Variants in KCTD8 observed in about 807,000 individuals in gnomAD.
KCTD8 encodes the protein BTB/POZ domain-containing protein KCTD8.
Under a neutral mutation model 31.5 loss-of-function variants are expected in KCTD8, and 27 were observed. The ratio of observed to expected loss-of-function variants is 0.86; its 90% CI spans 0.63 to 1.18. KCTD8 has a LOEUF of 1.18. Ranked by LOEUF, KCTD8 falls within the 50% of genes most tolerant of loss-of-function variation. KCTD8 has a pLI of 0.00. For missense variants in KCTD8, 658 were observed against 647.7 expected (o/e 1.02, Z -0.17); for synonymous variants, 290 against 280.0 (o/e 1.04, Z -0.36).
In KCTD8 at chr4:44,435,009, A is replaced by G. The variant is rs542700683; in HGVS notation, c.961+12554T>C. Among the ~76,000 whole-genome samples, 49 of 152,118 alleles carry G rather than the reference A, an allele frequency of 3.2e-4. 1 individual carries two copies. The highest frequency in any genetic ancestry group is 8.8e-5 in the Non-Finnish European group (6 of 67,920). ...CTTCACTGATTTAATTCATACTCCA[A>G]TGACAGGAGAAAGTTATTCACCTGG... On this transcript the variant is annotated intron_variant, in intron 1 of 1. Transcript: ENST00000360029.
At chr4:44,406,170 A>C (rs577600439) in intron 1 of KCTD8, among the ~76,000 whole-genome samples, 1 of 152,324 alleles carries the variant, frequency 6.6e-6, no homozygotes, top group South Asian at 2.1e-4. Context: ...TTCTGAGTTT[A>C]TGGTGGAAGA....
intron 1 of KCTD8, among the ~76,000 whole-genome samples, chr4:44,397,618 C>T (rs1241635048): frequency 6.6e-6 from 1 of 152,092 alleles, no homozygotes; most frequent in Non-Finnish European, 1.5e-5. Flanking sequence ...CTGCAGTTGG[C>T]AATAGTATTC....
At chr4:44,338,141 G>A (rs1479329203) in intron 1 of KCTD8, among the ~76,000 whole-genome samples, 1 of 151,782 alleles carries the variant, frequency 6.6e-6, no homozygotes, top group African/African-American at 2.4e-5. Flanking sequence ...ACAGCAAAAT[G>A]TTAACAATAG....
chr4:44,222,613 G>T (rs1349408431), intron 1 of KCTD8, among the ~76,000 whole-genome samples: 1 of 152,172 alleles, frequency 6.6e-6, no homozygotes, highest in Non-Finnish European at 1.5e-5. Context: ...CTTTCAGAGA[G>T]TAAAAACAAT....
At chr4:44,408,714 G>C (rs1322418683) in intron 1 of KCTD8, among the ~76,000 whole-genome samples, 1 of 152,056 alleles carries the variant, frequency 6.6e-6, no homozygotes, top group African/African-American at 2.4e-5. Context: ...TGACTCCCAG[G>C]TTCCAGCAAT....
chr4:44,293,617 A>C, intron 1 of KCTD8: 1 of 345,996 alleles, frequency 2.9e-6, no homozygotes, highest in African/African-American at 2.1e-5. Context: ...TCTAGTCTTT[A>C]ATTTTTTTTT....
chr4:44,192,698 T>C (rs1713801416), intron 1 of KCTD8, among the ~76,000 whole-genome samples: 1 of 152,188 alleles, frequency 6.6e-6, no homozygotes, highest in African/African-American at 2.4e-5. Context: ...AAAGTATAGA[T>C]CCTGGGTGTG....
At chr4:44,302,244 A>T (rs1203464498) in intron 1 of KCTD8, among the ~76,000 whole-genome samples, 1 of 152,098 alleles carries the variant, frequency 6.6e-6, no homozygotes, top group African/African-American at 2.4e-5. Context: ...GTTTTTTCCA[A>T]TTCTGTGAAG....
At chr4:44,248,171 G>A (rs1020313705) in intron 1 of KCTD8, among the ~76,000 whole-genome samples, 9 of 151,716 alleles carry the variant, frequency 5.9e-5, no homozygotes, top group Non-Finnish European at 1.2e-4. Flanking sequence ...CCACCTGAAC[G>A]AGTGTAAGCT....
At chr4:44,307,629 G>A (rs1717840249) in intron 1 of KCTD8, among the ~76,000 whole-genome samples, 1 of 151,886 alleles carries the variant, frequency 6.6e-6, no homozygotes, top group Admixed American at 6.6e-5. Flanking sequence ...CATAAAACAC[G>A]ATTGCTTCCA....
intron 1 of KCTD8, among the ~76,000 whole-genome samples, chr4:44,193,958 A>T (rs1324715140): frequency 2.6e-5 from 4 of 152,182 alleles, no homozygotes; most frequent in African/African-American, 9.6e-5. Flanking sequence ...TACAGAGTGA[A>T]ATTAGGAAAA....
chr4:44,194,408 G>T (rs990017268), intron 1 of KCTD8, among the ~76,000 whole-genome samples: 3 of 152,152 alleles, frequency 2.0e-5, no homozygotes, highest in African/African-American at 4.8e-5. Context: ...AGATGTACTG[G>T]TAACACCTTC....
chr4:44,220,599 A>G (rs1714779026), intron 1 of KCTD8, among the ~76,000 whole-genome samples: 1 of 152,178 alleles, frequency 6.6e-6, no homozygotes, highest in Admixed American at 6.5e-5. Flanking sequence ...TCTCCCTCCA[A>G]AAAGAGATGT....
In KCTD8 at chr4:44,405,338, A is replaced by G. The variant is rs182232805; in HGVS notation, c.961+42225T>C. On this transcript the variant is annotated intron_variant, in intron 1 of 1. Coordinates refer to ENST00000360029, the MANE Select transcript of KCTD8 (RefSeq NM_198353.3). ...AGTGGCATGATCTCAGCTCACTGCAATCTTGGCCTCCTGTGTTCAAGGGAT... is the reference window on the plus strand; with the variant it reads ...AGTGGCATGATCTCAGCTCACTGCAGTCTTGGCCTCCTGTGTTCAAGGGAT... Among the ~76,000 whole-genome samples the G allele has an allele frequency of 3.9e-3, 595 of 152,202 alleles. 2 individuals carry two copies. The highest frequency in any genetic ancestry group is 6.1e-3 in the Non-Finnish European group (414 of 68,018).
intron 1 of KCTD8, among the ~76,000 whole-genome samples, chr4:44,338,652 C>A (rs1050201635): frequency 1.3e-5 from 2 of 152,096 alleles, no homozygotes; most frequent in Non-Finnish European, 2.9e-5. Context: ...CTTTTTAATG[C>A]AACACATAAA....
intron 1 of KCTD8, among the ~76,000 whole-genome samples, chr4:44,416,001 C>A (rs1721071825): frequency 6.6e-6 from 1 of 152,182 alleles, no homozygotes; most frequent in Admixed American, 6.5e-5. Flanking sequence ...TCAACTCCAA[C>A]CCATGAGAGC....
chr4:44,229,034 G>A (rs1321530401), intron 1 of KCTD8, among the ~76,000 whole-genome samples: 2 of 152,084 alleles, frequency 1.3e-5, no homozygotes, highest in Non-Finnish European at 1.5e-5. Context: ...TTGACTGAGG[G>A]CAAGTTGAAT....
chr4:44,333,818 T>A (rs1257854704), intron 1 of KCTD8, among the ~76,000 whole-genome samples: 1 of 151,810 alleles, frequency 6.6e-6, no homozygotes, highest in Non-Finnish European at 1.5e-5. Flanking sequence ...ATAAGGCAAA[T>A]CCAAAAGTAA....
chr4:44,185,519 A>C (rs1713559375), intron 1 of KCTD8, among the ~76,000 whole-genome samples: 1 of 152,194 alleles, frequency 6.6e-6, no homozygotes, highest in African/African-American at 2.4e-5. Flanking sequence ...GACTATCTTC[A>C]GTGTAACACA....
Sources: allele counts gnomAD v4.1 joint callset (sites outside exome capture counted in the v4.1 genomes callset), GRCh38; gene constraint gnomAD v4.1.1; transcripts MANE v1.5; gene names NCBI Gene and HGNC (gene_info 2026-07-23, HGNC 2026-07-21).